The following ACER1 variants were observed in gnomAD, a reference collection of about 807,000 sequenced individuals.
ACER1 encodes the protein CTB-180A7.3.
A neutral mutation model predicts 24.9 loss-of-function variants in ACER1; 28 were observed. The ratio of observed to expected loss-of-function variants is 1.13; its 90% CI spans 0.83 to 1.54. The LOEUF (loss-of-function observed/expected upper bound fraction) is 1.54, where lower values mean the gene tolerates loss of function less well. Ranked by LOEUF, ACER1 falls within the 40% of genes most tolerant of loss-of-function variation. ACER1 has a pLI of 0.00. For synonymous variants in ACER1, 132 were observed against 131.4 expected (o/e 1.00, Z -0.03); for missense variants, 352 against 349.3 (o/e 1.01, Z -0.06).
intron 1 of ACER1, among the ~76,000 whole-genome samples, chr19:6,315,239 T>C (rs8103977): frequency 0.15 from 22,148 of 151,462 alleles, 1,824 homozygotes; most frequent in East Asian, 0.28. Context: ...GGTCTCTCTC[T>C]GTTGCCGAGG....
chr19:6,342,834 A>G, the ACER1 span, among the ~76,000 whole-genome samples: 3 of 152,000 alleles, frequency 2.0e-5, no homozygotes, highest in Non-Finnish European at 2.9e-5. Flanking sequence ...CTGGAGTCCA[A>G]TGGCATGATC....
At chr19:6,354,853 C>T in the ACER1 span, among the ~76,000 whole-genome samples, 12 of 152,298 alleles carry the variant, frequency 7.9e-5, no homozygotes, top group South Asian at 4.1e-4. Context: ...TCTCTTTCCA[C>T]GGTCTCCCAC....
At chr19:6,349,447 A>AGGG in the ACER1 span, among the ~76,000 whole-genome samples, 1 of 144,206 alleles carries the variant, frequency 6.9e-6, no homozygotes, top group Admixed American at 6.8e-5. Context: ...GAAGGGAGGA[A>AGGG]AGAAGGAAGG....
At chr19:6,329,153 C>T (rs1158426424) in intron 1 of ACER1, among the ~76,000 whole-genome samples, 2 of 151,608 alleles carry the variant, frequency 1.3e-5, no homozygotes, top group African/African-American at 2.4e-5. Flanking sequence ...GTCTCTAAAA[C>T]AGGTAAAATA....
upstream of ACER1, among the ~76,000 whole-genome samples, chr19:6,335,084 T>C (rs2091707580): frequency 6.8e-6 from 1 of 146,760 alleles, no homozygotes; most frequent in African/African-American, 2.5e-5. Flanking sequence ...TTAAAAATAC[T>C]ATTGTTATAT....
chr19:6,307,051 C>A, intron 5 of ACER1, 102 bp downstream of exon 5: 1 of 1,546,200 alleles, frequency 6.5e-7, no homozygotes, highest in South Asian at 1.2e-5. Flanking sequence ...TGGCTCTCCT[C>A]TCTCTGCTTC....
intron 1 of ACER1, among the ~76,000 whole-genome samples, chr19:6,316,195 A>G (rs894583688): frequency 8.5e-5 from 13 of 152,222 alleles, no homozygotes; most frequent in African/African-American, 3.1e-4. Context: ...GCAATTTGGG[A>G]GGCTGAGGCA....
At chr19:6,315,898 G>A (rs1213647403) in intron 1 of ACER1, among the ~76,000 whole-genome samples, 1 of 152,228 alleles carries the variant, frequency 6.6e-6, no homozygotes, top group Non-Finnish European at 1.5e-5. Flanking sequence ...GGGAGGTTGA[G>A]ACAGGCAAAT....
the ACER1 span, among the ~76,000 whole-genome samples, chr19:6,355,247 T>C: frequency 4.5e-4 from 66 of 148,282 alleles, no homozygotes; most frequent in East Asian, 0.013. Context: ...GCCGCCACCC[T>C]GTCTGGGAAG....
intron 1 of ACER1, among the ~76,000 whole-genome samples, chr19:6,312,729 G>T (rs757455470): frequency 6.7e-6 from 1 of 148,982 alleles, no homozygotes; most frequent in South Asian, 2.1e-4. Context: ...AGGCTGGAGC[G>T]CAGTGGTGCC....
chr19:6,352,055 C>CAAA, the ACER1 span, among the ~76,000 whole-genome samples: 3 of 109,468 alleles, frequency 2.7e-5, no homozygotes, highest in Non-Finnish European at 4.1e-5. Context: ...GACTCCATCT[C>CAAA]AAAAAAAAAA....
At chr19:6,327,952 T>C (rs1183927838) in intron 1 of ACER1, among the ~76,000 whole-genome samples, 1 of 151,660 alleles carries the variant, frequency 6.6e-6, no homozygotes, top group Non-Finnish European at 1.5e-5. Flanking sequence ...GGTGCTCATC[T>C]ATAATCCCAG....
chr19:6,321,600 CTTTG>C (rs138505309), intron 1 of ACER1, among the ~76,000 whole-genome samples: 9,875 of 151,540 alleles, frequency 0.065, 361 homozygotes, highest in East Asian at 0.12. Context: ...GTATTTTTTT[CTTTG>C]TTTGTTTTGT....
In ACER1 at chr19:6,306,627, C is replaced by T. The variant is rs932882785; in HGVS notation, c.*87G>A. On this transcript the variant is annotated 3_prime_UTR_variant, in exon 6 of 6. Transcript: ENST00000301452. ...AAACAGAGGAAGGAACCACGAGTGT[C>T]CCGCAGGTGCAAGTCCTGACCGGGG... 6.8e-7 allele frequency: 1 copy of T among 1,470,778 alleles called. No homozygotes were observed. Among genetic ancestry groups the T allele is most frequent in the Non-Finnish European group, 9.2e-7 (1 of 1,085,720 alleles). The allele number at this position is 1,470,778 out of a possible 1,614,324, so 91.1% of individuals were successfully genotyped here.
chr19:6,337,235 A>G (rs2091717794), upstream of ACER1, among the ~76,000 whole-genome samples: 1 of 151,986 alleles, frequency 6.6e-6, no homozygotes. Context: ...AATTTCCAAT[A>G]TTTGGAGAAG....
chr19:6,307,191 G>T lies in ACER1; in HGVS notation c.588C>A (p.Phe196Leu). 6.2e-7 allele frequency: 1 copy of T among 1,614,174 alleles called. No homozygotes were observed. Among genetic ancestry groups the T allele is most frequent in the Non-Finnish European group, 8.5e-7 (1 of 1,180,040 alleles). Residue 196 changes from phenylalanine to leucine, a missense_variant, in exon 5 of 6, where the codon TTC becomes TTA. Phe to Leu is a conservative substitution (Grantham distance 22, BLOSUM62 0). Transcript: ENST00000301452. ...SWISDRLLCS[F>L]WQRIHFFYLH... ...GATAGAAGAAATGAATCCTCTGCCA[G>T]AAGCTGCAAAGCAGACGGTCACTGA... is the stretch of plus-strand genomic sequence containing the variant.
At chr19:6,335,488 G>T (rs1412357738), upstream of ACER1, among the ~76,000 whole-genome samples, 1 of 151,982 alleles carries the variant, frequency 6.6e-6, no homozygotes, top group African/African-American at 2.4e-5. Flanking sequence ...TTCCCAAAGT[G>T]CTGGGATTAC....
At chr19:6,333,845 G>A (rs187724937), upstream of ACER1, among the ~76,000 whole-genome samples, 1 of 152,286 alleles carries the variant, frequency 6.6e-6, no homozygotes, top group East Asian at 1.9e-4. Flanking sequence ...TCGGGGTGGG[G>A]GCAGTGGAGG....
At chr19:6,356,762 T>C in the ACER1 span, among the ~76,000 whole-genome samples, 2 of 151,312 alleles carry the variant, frequency 1.3e-5, no homozygotes, top group South Asian at 2.1e-4. Flanking sequence ...GCAGGTCCTG[T>C]TGGCGTGTGC....
Sources: gnomAD v4.1 joint callset for allele counts (sites outside exome capture counted in the v4.1 genomes callset) on GRCh38, gnomAD v4.1.1 for gene constraint, MANE v1.5 for transcripts, NCBI Gene and HGNC (gene_info 2026-07-23, HGNC 2026-07-21) for gene names.